Variants in FRMPD1 observed in about 807,000 individuals in gnomAD.
FRMPD1 encodes the protein FERM and PDZ domain-containing protein 1.
Under a neutral mutation model 117.8 loss-of-function variants are expected in FRMPD1, and 76 were observed. That is an observed-to-expected ratio of 0.65 (90% CI 0.54 to 0.78). FRMPD1 has a LOEUF of 0.78. Ranked by LOEUF, FRMPD1 falls within the 30% of genes least tolerant of loss-of-function variation. The pLI is 0.00. For synonymous variants in FRMPD1, 783 were observed against 770.4 expected, an observed-to-expected ratio of 1.02 and a Z score of -0.27; for missense variants, 1,786 against 1,964.5, an observed-to-expected ratio of 0.91 and a Z score of 1.72.
the FRMPD1 span, among the ~76,000 whole-genome samples, chr9:37,606,979 T>C: frequency 6.6e-6 from 1 of 152,156 alleles, no homozygotes. Flanking sequence ...TTTTTTCACA[T>C]GAAGCCACTG....
chr9:37,662,443 A>G (rs917189204), intron 1 of FRMPD1, among the ~76,000 whole-genome samples: 1 of 152,226 alleles, frequency 6.6e-6, no homozygotes, highest in Non-Finnish European at 1.5e-5. Context: ...AGATGGAGTT[A>G]CAGTCCTTGG....
intron 15 of FRMPD1, 23 bp from the exon 16 acceptor site, chr9:37,744,366 A>G: frequency 6.5e-7 from 1 of 1,531,772 alleles, no homozygotes. Flanking sequence ...TTTTTAATGT[A>G]TTTTTTCTTT....
At chr9:37,685,288 T>A (rs1159962743) in intron 1 of FRMPD1, among the ~76,000 whole-genome samples, 1 of 152,242 alleles carries the variant, frequency 6.6e-6, no homozygotes, top group Non-Finnish European at 1.5e-5. Context: ...GTCTTCCTTG[T>A]GGCATACCTG....
Position 37,744,568 on chromosome 9 carries a change from TAC to T in FRMPD1, c.2539_2540del (p.Thr847LeufsTer23). ...RKRRSFLQTD[Y>X]TSQVSFPLVP... is the part of the protein sequence containing the mutation. The stretch of plus-strand genomic sequence containing the variant: ...AAGAAGGTCTTTCCTACAGACCGAC[TAC>T]ACCTCTCAGGTCTCATTTCCCCTGG... On this transcript the variant is annotated frameshift_variant, in exon 16 of 16. Transcript: ENST00000377765. LOFTEE classifies it low-confidence loss of function (END_TRUNC). The T allele has an allele frequency of 6.2e-7, 1 of 1,614,138 alleles. No individual in the cohort carries two copies. The highest frequency in any genetic ancestry group is 1.7e-5 in the Admixed American group (1 of 60,024).
chr9:37,693,351 A>G (rs1822214765), intron 2 of FRMPD1: 2 of 152,194 alleles, frequency 1.3e-5, no homozygotes, highest in African/African-American at 4.8e-5. Context: ...CGAAGCGTTC[A>G]TTTTTGCTTG....
the FRMPD1 span, among the ~76,000 whole-genome samples, chr9:37,638,545 C>A: frequency 6.6e-6 from 1 of 152,204 alleles, no homozygotes; most frequent in African/African-American, 2.4e-5. Context: ...CTGTATTAAA[C>A]AACTTTTGTT....
intron 2 of FRMPD1, among the ~76,000 whole-genome samples, chr9:37,704,322 G>T (rs1245871710): frequency 6.6e-6 from 1 of 152,064 alleles, no homozygotes; most frequent in African/African-American, 2.4e-5. Context: ...ATAATTTTTT[G>T]TATTAACTAC....
At chr9:37,731,892 G>T (rs934932925) in intron 9 of FRMPD1, among the ~76,000 whole-genome samples, 1 of 151,468 alleles carries the variant, frequency 6.6e-6, no homozygotes, top group African/African-American at 2.4e-5. Flanking sequence ...AAAAAAAAAA[G>T]AAAAAGAATC....
At chr9:37,681,226 A>AAAG (rs1311874652) in intron 1 of FRMPD1, among the ~76,000 whole-genome samples, 8 of 151,766 alleles carry the variant, frequency 5.3e-5, no homozygotes, top group East Asian at 1.9e-4. Flanking sequence ...AAAAAAAAAA[A>AAAG]AAAGAAAGAA....
chr9:37,606,353 T>C, the FRMPD1 span, among the ~76,000 whole-genome samples: 2 of 152,214 alleles, frequency 1.3e-5, no homozygotes, highest in African/African-American at 4.8e-5. Flanking sequence ...TAGGGACTTA[T>C]TTGGTGATGA....
the FRMPD1 span, among the ~76,000 whole-genome samples, chr9:37,609,952 C>A: frequency 1.3e-5 from 2 of 152,210 alleles, no homozygotes; most frequent in African/African-American, 2.4e-5. Flanking sequence ...GGAGCTGCCT[C>A]TCTTTCAGGT....
At chr9:37,631,155 G>A in the FRMPD1 span, among the ~76,000 whole-genome samples, 1 of 151,978 alleles carries the variant, frequency 6.6e-6, no homozygotes, top group Non-Finnish European at 1.5e-5. Flanking sequence ...GGAAAAGGAA[G>A]GGAAGAACAG....
intron 14 of FRMPD1, among the ~76,000 whole-genome samples, chr9:37,738,500 C>T (rs888672266): frequency 2.6e-5 from 4 of 152,042 alleles, no homozygotes; most frequent in Admixed American, 6.6e-5. Flanking sequence ...CCACCACGCC[C>T]GGCTAATTTT....
chr9:37,744,701 T>TGCAGGGTGAGCCTG lies in FRMPD1; in HGVS notation c.2672_2685dup (p.Leu896ArgfsTer18), dbSNP rs1824600287. On this transcript the variant is annotated frameshift_variant, in exon 16 of 16. Coordinates refer to ENST00000377765, the MANE Select transcript of FRMPD1 (RefSeq NM_014907.3). LOFTEE classifies it low-confidence loss of function (END_TRUNC). Reference sequence around the variant, plus strand: ...CCAACTGTGTCCTCTCTGCAGGACATGCAGGGTGAGCCTGGCCTTCTGGAG... The same window carrying TGCAGGGTGAGCCTG: ...CCAACTGTGTCCTCTCTGCAGGACATGCAGGGTGAGCCTGGCAGGGTGAGCCTGGCCTTCTGGAG... 1 of 1,613,828 alleles carries TGCAGGGTGAGCCTG rather than the reference T, an allele frequency of 6.2e-7. No homozygotes were observed. The highest frequency in any genetic ancestry group is 8.5e-7 in the Non-Finnish European group (1 of 1,179,924).
At chr9:37,619,731 C>T in the FRMPD1 span, among the ~76,000 whole-genome samples, 1 of 150,446 alleles carries the variant, frequency 6.6e-6, no homozygotes, top group African/African-American at 2.5e-5. Context: ...GCACTCCAGC[C>T]TGGGCGACAC....
upstream of FRMPD1, among the ~76,000 whole-genome samples, chr9:37,649,785 G>A (rs1820611908): frequency 6.6e-6 from 1 of 152,112 alleles, no homozygotes; most frequent in South Asian, 2.1e-4. Flanking sequence ...CTGGGAACAC[G>A]GTGCAAACTC....
At chr9:37,741,395 A>C (rs957052669) in intron 15 of FRMPD1, among the ~76,000 whole-genome samples, 3 of 149,678 alleles carry the variant, frequency 2.0e-5, no homozygotes, top group African/African-American at 7.4e-5. Flanking sequence ...TTCCTCATAC[A>C]TTCCTCCACC....
the FRMPD1 span, among the ~76,000 whole-genome samples, chr9:37,608,785 A>T: frequency 6.6e-6 from 1 of 152,234 alleles, no homozygotes; most frequent in Non-Finnish European, 1.5e-5. Flanking sequence ...AATAGCTGAA[A>T]TGTATTGGGG....
chr9:37,627,250 A>T, the FRMPD1 span, among the ~76,000 whole-genome samples: 1 of 152,154 alleles, frequency 6.6e-6, no homozygotes, highest in African/African-American at 2.4e-5. Context: ...TTCAAGAACC[A>T]TGTTAAATCC....
Sources: allele counts gnomAD v4.1 joint callset (sites outside exome capture counted in the v4.1 genomes callset), GRCh38; gene constraint gnomAD v4.1.1; transcripts MANE v1.5; gene names NCBI Gene and HGNC (gene_info 2026-07-23, HGNC 2026-07-21).